The following ACAP1 variants were observed in gnomAD, a reference collection of about 807,000 sequenced individuals.
ACAP1 encodes the protein ArfGAP with coiled-coil, ankyrin repeat and PH domains 1, also known as arf-GAP with coiled-coil, ANK repeat and PH domain-containing protein 1.
Under a neutral mutation model 98.8 loss-of-function variants are expected in ACAP1, and 45 were observed. That is an observed-to-expected ratio of 0.46 (90% confidence interval 0.36 to 0.58). ACAP1 has a LOEUF of 0.58. Ranked by LOEUF, ACAP1 falls within the 20% of genes least tolerant of loss-of-function variation. The pLI is 0.00. For synonymous variants in ACAP1, 362 were observed against 375.3 expected (o/e 0.96, Z 0.41); for missense variants, 735 against 971.4 (o/e 0.76, Z 3.24).
At position 7,343,349 on chromosome 17, in the gene ACAP1, T is replaced by C. The variant is rs761783795; in HGVS notation, c.345-30T>C. On this transcript the variant is annotated intron_variant, in intron 5 of 21. Coordinates refer to ENST00000158762, the MANE Select transcript of ACAP1 (RefSeq NM_014716.4). The surrounding 1 kb of genome is among the most constrained non-coding windows in gnomAD (Gnocchi z 4.9). ...TCTGCTGGGGCAGGTGGGTGTTAGC[T>C]GCGATTCTGTGTTATTTTCCCATCC... is the stretch of plus-strand genomic sequence containing the variant. 2.9e-5 allele frequency: 46 copies of C among 1,594,260 alleles called. No individual in the cohort carries two copies. The highest frequency in any genetic ancestry group is 3.7e-5 in the Non-Finnish European group (43 of 1,168,702).
chr17:7,349,772 T>G (rs2073384299), intron 18 of ACAP1, 173 bp from the exon 19 acceptor site: 1 of 567,970 alleles, frequency 1.8e-6, no homozygotes, highest in South Asian at 2.6e-5. Flanking sequence ...TATGAATACA[T>G]GCAAAGAGCT....
intron 2 of ACAP1, among the ~76,000 whole-genome samples, chr17:7,341,116 G>A (rs1443505166): frequency 1.3e-5 from 2 of 152,214 alleles, no homozygotes; most frequent in Non-Finnish European, 2.9e-5. Flanking sequence ...AGCACAGAAT[G>A]GGACAACTCC....
Position 7,336,576 on chromosome 17 carries a change from T to C in ACAP1, c.-159T>C, listed in dbSNP as rs764786203. On this transcript the variant is annotated 5_prime_UTR_variant, in exon 1 of 22. Transcript: ENST00000158762. ...TGAGAGCTCCTCCTAGGACACCCCT[T>C]TCCCCTTGGGGAAAGAATTGTGCCC... The C allele has an allele frequency of 1.1e-4, 82 of 721,046 alleles. No homozygotes were observed. The highest frequency in any genetic ancestry group is 6.4e-5 in the Admixed American group (3 of 46,854). The allele number at this position is 721,046 out of a possible 1,614,324, so 44.7% of individuals were successfully genotyped here.
In ACAP1 at chr17:7,350,427, G is replaced by T; in HGVS notation, c.2072+190G>T. ...GAAGTGTGCACTGGGACGTGGAGTA[G>T]AAGGCAGGCGGGAGGGCGGGCAGGG... On this transcript the variant is annotated intron_variant, in intron 20 of 21. Transcript: ENST00000158762. The surrounding 1 kb of genome is among the most constrained non-coding windows in gnomAD (Gnocchi z 4.6). The T allele has an allele frequency of 6.1e-6, 3 of 491,798 alleles. No individual in the cohort carries two copies. The highest frequency in any genetic ancestry group is 3.7e-6 in the Non-Finnish European group (1 of 270,818). 30.5% of individuals were successfully genotyped at this position (491,798 alleles called of 1,614,324 possible).
rs1354434560 is a variant in ACAP1 at position 7,348,189 on chromosome 17, G to A, written c.1476G>A (p.Met492Ile). The change falls in exon 16 of 22, where the codon ATG (methionine) becomes ATA (isoleucine). Residue 492 changes from methionine to isoleucine, a missense_variant. This residue lies in a region of ACAP1 where 81 missense variants were observed against 132.0 expected (regional missense o/e 0.61). Coordinates refer to ENST00000158762, the MANE Select transcript of ACAP1 (RefSeq NM_014716.4). ...TCTATGAGGCCCGCGTGGAGGCCAT[G>A]GCAGTGAAGAAACCAGGGCCCAGCT... Reference protein sequence around the residue: ...NQIYEARVEAMAVKKPGPSCS... With the variant: ...NQIYEARVEAIAVKKPGPSCS... 6.2e-7 allele frequency: 1 copy of A among 1,614,054 alleles called. No homozygotes were observed. Among genetic ancestry groups the A allele is most frequent in the Non-Finnish European group, 8.5e-7 (1 of 1,179,952 alleles).
chr17:7,343,721 GA>G lies in ACAP1; in HGVS notation c.545del (p.Asp182AlafsTer29). 6.2e-7 allele frequency: 1 copy of G among 1,614,114 alleles called. No individual in the cohort carries two copies. Among genetic ancestry groups the G allele is most frequent in the Non-Finnish European group, 8.5e-7 (1 of 1,180,010 alleles). On this transcript the variant is annotated frameshift_variant, in exon 7 of 22. Transcript: ENST00000158762. LOFTEE classifies it high-confidence loss of function. The surrounding 1 kb of genome is among the most constrained non-coding windows in gnomAD (Gnocchi z 4.9). ...ACGTCCTCAGATCAACGTGATTGAG[GA>G]CAAGAGGAAGTTTGACATCATGGAG... ...DYALQINVIE[D>X]KRKFDIMEFV...
At position 7,344,654 on chromosome 17, in the gene ACAP1, G is replaced by A. The variant is rs1212346841; in HGVS notation, c.854+6G>A. ...GCATTTAAGACCTGGAGCAGGTGAG[G>A]AGAGGACACCCCCAATCAGCCCGCC... is the stretch of plus-strand genomic sequence containing the variant. On this transcript the variant is annotated splice_donor_region_variant and intron_variant, in intron 10 of 21. Coordinates refer to ENST00000158762, the MANE Select transcript of ACAP1 (RefSeq NM_014716.4). This position sits in a 1 kb window ranked among gnomAD's most constrained non-coding sequence, Gnocchi z 4.9. The A allele has an allele frequency of 4.5e-6, 7 of 1,547,526 alleles. No individual in the cohort carries two copies. The highest frequency in any genetic ancestry group is 6.1e-6 in the Non-Finnish European group (7 of 1,143,270).
chr17:7,336,700 C>T lies in ACAP1; in HGVS notation c.-35C>T. 6.2e-7 allele frequency: 1 copy of T among 1,613,174 alleles called. No individual in the cohort carries two copies. The highest frequency in any genetic ancestry group is 1.3e-5 in the African/African-American group (1 of 75,050). The stretch of plus-strand genomic sequence containing the variant: ...ACCTGCATCCCCAGGGGCCCGGCCT[C>T]CAGGGCCCGCTGGCCCCACAGCAGG... On this transcript the variant is annotated 5_prime_UTR_variant, in exon 1 of 22. Transcript: ENST00000158762.
At chr17:7,337,139 T>C in intron 1 of ACAP1, 173 bp from the exon 2 acceptor site, 2 of 701,876 alleles carry the variant, frequency 2.8e-6, no homozygotes, top group South Asian at 1.7e-5. Flanking sequence ...GCCTGGGCTG[T>C]GGTAGCTCCC....
chr17:7,346,963 G>T, intron 13 of ACAP1, 32 bp downstream of exon 13: 3 of 1,594,244 alleles, frequency 1.9e-6, no homozygotes, highest in Non-Finnish European at 2.6e-6. Context: ...GAGCCAGGCT[G>T]CCTGTGGAGA....
chr17:7,351,469 T>A lies in ACAP1; in HGVS notation c.*74T>A. The stretch of plus-strand genomic sequence containing the variant: ...CCTCTGCCATTAAAGCCTCCGTGCT[T>A]CGCTCTTCCCTTCTGGTTCACTTCT... On this transcript the variant is annotated 3_prime_UTR_variant, in exon 22 of 22. Coordinates refer to ENST00000158762, the MANE Select transcript of ACAP1 (RefSeq NM_014716.4). The A allele has an allele frequency of 1.7e-6, 2 of 1,156,242 alleles. No individual in the cohort carries two copies. The highest frequency in any genetic ancestry group is 1.4e-5 in the South Asian group (1 of 73,096). The allele number at this position is 1,156,242 out of a possible 1,614,324, so 71.6% of individuals were successfully genotyped here.
rs1009757008 is a variant in ACAP1, at chr17:7,343,942, G to A, written c.655G>A (p.Glu219Lys). 1 of 1,594,414 alleles carries A rather than the reference G, an allele frequency of 6.3e-7. No individual in the cohort carries two copies. The highest frequency in any genetic ancestry group is 1.8e-5 in the Admixed American group (1 of 55,462). The change falls in exon 8 of 22, where the codon GAG becomes AAG. Residue 219 changes from glutamate to lysine, a missense_variant. By Grantham distance (56) the Glu-to-Lys change is moderately conservative (BLOSUM62 1). Transcript: ENST00000158762. The surrounding 1 kb of genome is among the most constrained non-coding windows in gnomAD (Gnocchi z 4.9). Reference protein sequence around the residue: ...ELSRLSQYRKELGAQLHQLVL... With the variant: ...ELSRLSQYRKKLGAQLHQLVL... ...GAGCCGGCTGTCCCAGTATCGAAAG[G>A]AGCTGGGCGCCCAGGTGGGGCCCCA...
Position 7,343,795 on chromosome 17 carries a change from G to T in ACAP1, c.573+45G>T. 3.1e-6 allele frequency: 5 copies of T among 1,613,232 alleles called. No homozygotes were observed. Among genetic ancestry groups the T allele is most frequent in the Middle Eastern group, 1.7e-4 (1 of 6,052 alleles). On this transcript the variant is annotated intron_variant, in intron 7 of 21. Coordinates refer to ENST00000158762, the MANE Select transcript of ACAP1 (RefSeq NM_014716.4). This position sits in a 1 kb window ranked among gnomAD's most constrained non-coding sequence, Gnocchi z 4.9. Reference sequence around the variant, plus strand: ...AGGGCAGGGTGGAGAAGAGCCTGCTGCCAGCACAAGGGAATGGGGAGAGGG... The same window carrying T: ...AGGGCAGGGTGGAGAAGAGCCTGCTTCCAGCACAAGGGAATGGGGAGAGGG...
chr17:7,351,067 CCT>C, intron 21 of ACAP1, 68 bp downstream of exon 21: 1 of 1,475,782 alleles, frequency 6.8e-7, no homozygotes, highest in Non-Finnish European at 9.5e-7. Flanking sequence ...TCCACGGTGA[CCT>C]CTCTCCCTAG....
In ACAP1 at chr17:7,342,809, G is replaced by A. The variant is rs949705035; in HGVS notation, c.344+335G>A. The A allele has an allele frequency of 6.2e-5, 23 of 368,194 alleles. No individual in the cohort carries two copies. The Middle Eastern group carries it at 2.6e-3, about 42-fold the overall frequency. 22.8% of individuals were successfully genotyped at this position (368,194 alleles called of 1,614,324 possible). ...TGTAATCCCAGCTACTCAGGAGGCC[G>A]AGGCAGGAGAATCATTTGAACCCAG... On this transcript the variant is annotated intron_variant, in intron 5 of 21. Coordinates refer to ENST00000158762, the MANE Select transcript of ACAP1 (RefSeq NM_014716.4).
At chr17:7,351,137 C>A in intron 21 of ACAP1, 138 bp downstream of exon 21, 1 of 1,132,288 alleles carries the variant, frequency 8.8e-7, no homozygotes, top group Non-Finnish European at 1.3e-6. Context: ...ATGCGACGTG[C>A]CAGGCCCTGG....
In ACAP1 at chr17:7,347,112, G is replaced by A. The variant is rs767344218; in HGVS notation, c.1213G>A (p.Gly405Arg). The change falls in exon 14 of 22, where the codon GGG becomes AGG. Residue 405 changes from glycine (G) to arginine (R), a missense_variant. Gly to Arg is a moderately radical substitution (Grantham distance 125, BLOSUM62 -2). Coordinates refer to ENST00000158762, the MANE Select transcript of ACAP1 (RefSeq NM_014716.4). Reference sequence around the variant, plus strand: ...CAGGGGAAGGGAGCCTGGGGGAGTCGGGCACGTGGTGGCCCAGGTCCAGAG... The same window carrying A: ...CAGGGGAAGGGAGCCTGGGGGAGTCAGGCACGTGGTGGCCCAGGTCCAGAG... ...MARGREPGGVGHVVAQVQSVD... is the reference protein window; with the variant it reads ...MARGREPGGVRHVVAQVQSVD... 1.2e-5 allele frequency: 20 copies of A among 1,613,590 alleles called. No homozygotes were observed. Among genetic ancestry groups the A allele is most frequent in the East Asian group, 4.5e-5 (2 of 44,896 alleles).
chr17:7,336,702 A>C lies in ACAP1; in HGVS notation c.-33A>C. ...CTGCATCCCCAGGGGCCCGGCCTCC[A>C]GGGCCCGCTGGCCCCACAGCAGGCA... On this transcript the variant is annotated 5_prime_UTR_variant, in exon 1 of 22. Coordinates refer to ENST00000158762, the MANE Select transcript of ACAP1 (RefSeq NM_014716.4). The C allele has an allele frequency of 6.2e-7, 1 of 1,612,796 alleles. No individual in the cohort carries two copies. Among genetic ancestry groups the C allele is most frequent in the Non-Finnish European group, 8.5e-7 (1 of 1,179,006 alleles).
intron 2 of ACAP1, among the ~76,000 whole-genome samples, chr17:7,340,131 G>C (rs2073261720): frequency 6.6e-6 from 1 of 151,956 alleles, no homozygotes; most frequent in African/African-American, 2.4e-5. Flanking sequence ...AATTAGCCAG[G>C]CATGGTGGTG....
Sources: allele counts gnomAD v4.1 joint callset (sites outside exome capture counted in the v4.1 genomes callset), GRCh38; gene constraint gnomAD v4.1.1; regional missense constraint gnomAD v4.1.1; non-coding constraint Gnocchi (gnomAD v3.1); transcripts MANE v1.5; gene names NCBI Gene and HGNC (gene_info 2026-07-23, HGNC 2026-07-21).